The following DYSF variants were observed in gnomAD, a reference collection of about 807,000 sequenced individuals.
The protein encoded by DYSF is dystrophy-associated fer-1-like 1.
In DYSF, 212 loss-of-function variants were observed where a neutral mutation model predicts 274.9. The observed-to-expected ratio is 0.77, with a 90% CI of 0.69 to 0.86. The LOEUF (loss-of-function observed/expected upper bound fraction) is 0.86, where lower values mean the gene tolerates loss of function less well. Among genes scored for constraint, DYSF ranks in the 40% least tolerant of loss-of-function variants. The pLI, the probability that DYSF is intolerant of heterozygous loss-of-function variation, is 0.00. For missense variants in DYSF, 2,666 were observed against 2,783.2 expected (o/e 0.96, Z 0.95); for synonymous variants, 1,091 against 1,078.7 (o/e 1.01, Z -0.22).
intron 20 of DYSF, 25 bp from the exon 21 acceptor site, chr2:71,553,782 G>A (rs372466676): frequency 4.1e-5 from 36 of 871,052 alleles, no homozygotes; most frequent in African/African-American, 1.6e-4. Context: ...CTGGCACAGC[G>A]CTCAGGCCCG....
At chr2:71,559,635 T>C (rs561256076) in intron 22 of DYSF, among the ~76,000 whole-genome samples, 1 of 152,304 alleles carries the variant, frequency 6.6e-6, no homozygotes, top group South Asian at 2.1e-4. Context: ...TGCCTCTGTG[T>C]CTTTGCACTT....
intron 41 of DYSF, among the ~76,000 whole-genome samples, chr2:71,636,917 G>A (rs1468348374): frequency 6.6e-6 from 1 of 152,154 alleles, no homozygotes; most frequent in Non-Finnish European, 1.5e-5. Context: ...TGCAAGGCGA[G>A]GGGAGATGCT....
rs576149423 is a variant in DYSF at position 71,477,995 on chromosome 2, A to C, written c.92-2888A>C. On this transcript the variant is annotated intron_variant, in intron 1 of 55. Transcript: ENST00000410020. ...GAGAATCCAGCCAAGCATTAAAGAG[A>C]TTTGCAAAAATCTAAAAGTGTCACT... Among the ~76,000 whole-genome samples, 4 of 150,546 alleles carry C rather than the reference A, an allele frequency of 2.7e-5. No homozygotes were observed. The South Asian group carries it at 8.4e-4, about 31-fold the overall frequency.
At chr2:71,460,055 C>G (rs74877882) in intron 1 of DYSF, among the ~76,000 whole-genome samples, 4,349 of 152,232 alleles carry the variant, frequency 0.029, 114 homozygotes, top group African/African-American at 0.068. Context: ...GGATGCAGAT[C>G]TAGCTATTTG....
chr2:71,660,057 G>C (rs891102959), intron 44 of DYSF, among the ~76,000 whole-genome samples: 2 of 152,242 alleles, frequency 1.3e-5, no homozygotes, highest in African/African-American at 4.8e-5. Flanking sequence ...TATGCTTGAA[G>C]CCTTCCTGAT....
chr2:71,600,784 G>C lies in DYSF; in HGVS notation c.3839G>C (p.Arg1280Thr). The C allele has an allele frequency of 2.5e-6, 4 of 1,613,564 alleles. No homozygotes were observed. The highest frequency in any genetic ancestry group is 3.4e-6 in the Non-Finnish European group (4 of 1,180,006). The change falls in exon 34 of 56, where the codon AGG (arginine) becomes ACG (threonine). Residue 1280 changes from arginine (R) to threonine (T), a missense_variant. Physicochemically the swap from Arg to Thr is moderately conservative, Grantham distance 71 (BLOSUM62 -1). Around this residue, in one of 3 missense-constraint regions of DYSF, gnomAD observed 1,460 missense variants for 1,502.1 expected, o/e 0.97. Transcript: ENST00000410020. ...CGGCTGGCCTGGTTCCCACTGACGAGGGGCAGCCAGCCGTCGGGGGAGCTG... is the reference window on the plus strand; with the variant it reads ...CGGCTGGCCTGGTTCCCACTGACGACGGGCAGCCAGCCGTCGGGGGAGCTG... ...MPRLAWFPLTRGSQPSGELLA... is the reference protein window; with the variant it reads ...MPRLAWFPLTTGSQPSGELLA...
At chr2:71,617,922 GT>G (rs2093943638) in intron 40 of DYSF, among the ~76,000 whole-genome samples, 1 of 124,516 alleles carries the variant, frequency 8.0e-6, no homozygotes, top group Admixed American at 8.3e-5. Context: ...GTGTGTGTGT[GT>G]GGTAGAGGTG....
At chr2:71,575,607 A>G (rs12329095) in intron 30 of DYSF, among the ~76,000 whole-genome samples, 149,386 of 152,152 alleles carry the variant, frequency 0.98, 73,362 homozygotes, top group Middle Eastern at 1. Flanking sequence ...GCCTGGCCTG[A>G]GCACTGGGCA....
Position 71,629,065 on chromosome 2 carries a change from A to G in DYSF, c.4527+8456A>G, listed in dbSNP as rs2094265562. On this transcript the variant is annotated intron_variant, in intron 41 of 55. Transcript: ENST00000410020. Reference sequence around the variant, plus strand: ...TATCTCTTCAAATGTTACAGATTCCATTCTCTCATCATTTCTGGAACTCTG... The same window carrying G: ...TATCTCTTCAAATGTTACAGATTCCGTTCTCTCATCATTTCTGGAACTCTG... 2.6e-5 allele frequency among the ~76,000 whole-genome samples: 4 copies of G among 152,184 alleles called. No individual in the cohort carries two copies. The South Asian group carries it at 8.3e-4, about 32-fold the overall frequency.
chr2:71,584,473 C>T (rs764143052), intron 30 of DYSF, among the ~76,000 whole-genome samples: 18 of 152,154 alleles, frequency 1.2e-4, no homozygotes, highest in Admixed American at 7.9e-4. Context: ...TAAGTGAGTC[C>T]ACATTAATCC....
intron 41 of DYSF, among the ~76,000 whole-genome samples, chr2:71,638,564 TAA>T (rs1432337387): frequency 1.3e-5 from 2 of 152,236 alleles, no homozygotes; most frequent in African/African-American, 4.8e-5. Flanking sequence ...GAGCTTCATA[TAA>T]ATGAAATCCT....
At chr2:71,610,096 C>T (rs985626799) in intron 36 of DYSF, among the ~76,000 whole-genome samples, 1 of 152,130 alleles carries the variant, frequency 6.6e-6, no homozygotes, top group African/African-American at 2.4e-5. Flanking sequence ...GCACAGACAC[C>T]ATATACTTGT....
chr2:71,553,752 A>AC, intron 20 of DYSF, 55 bp from the exon 21 acceptor site: 116 of 267,694 alleles, frequency 4.3e-4, no homozygotes, highest in South Asian at 9.7e-4. Context: ...TTAGCACCCC[A>AC]TCCCACCCGC....
chr2:71,620,528 C>T lies in DYSF; in HGVS notation c.4465-19C>T. On this transcript the variant is annotated intron_variant, in intron 40 of 55. Coordinates refer to ENST00000410020, the MANE Select transcript of DYSF (RefSeq NM_001130987.2). ...TGGGTTCTCTAATCCTGTTGCTAAC[C>T]AGCATGTTTCATTTGTAGCTTGCAG... The T allele has an allele frequency of 6.4e-7, 1 of 1,551,732 alleles. No homozygotes were observed. Among genetic ancestry groups the T allele is most frequent in the South Asian group, 1.2e-5 (1 of 84,066 alleles).
chr2:71,664,810 A>G (rs1412092820), intron 46 of DYSF, among the ~76,000 whole-genome samples: 1 of 152,240 alleles, frequency 6.6e-6, no homozygotes, highest in Non-Finnish European at 1.5e-5. Context: ...GTGTGCTGCA[A>G]CTGGGCCCGA....
intron 40 of DYSF, among the ~76,000 whole-genome samples, chr2:71,618,239 TGTGGTAGAGGTGGC>T: frequency 7.8e-6 from 1 of 128,854 alleles, no homozygotes; most frequent in Admixed American, 8.0e-5. Context: ...GGGGTGTGTG[TGTGGTAGAGGTGGC>T]GTGTGTGGTA....
intron 42 of DYSF, among the ~76,000 whole-genome samples, chr2:71,650,118 G>C (rs2094630024): frequency 6.6e-6 from 1 of 152,158 alleles, no homozygotes. Context: ...AGAAGCAATG[G>C]AAACACACTG....
intron 14 of DYSF, among the ~76,000 whole-genome samples, chr2:71,529,974 T>C (rs997447034): frequency 6.8e-6 from 1 of 147,622 alleles, no homozygotes; most frequent in Admixed American, 6.7e-5. Context: ...AGGAGCCCCT[T>C]TGAGCTGGGC....
chr2:71,573,230 C>G (rs2092584533), intron 29 of DYSF, among the ~76,000 whole-genome samples: 1 of 152,242 alleles, frequency 6.6e-6, no homozygotes, highest in African/African-American at 2.4e-5. Context: ...GGACAACCAG[C>G]TGTTCCTGGT....
Sources: allele counts gnomAD v4.1 joint callset (sites outside exome capture counted in the v4.1 genomes callset), GRCh38; gene constraint gnomAD v4.1.1; regional missense constraint gnomAD v4.1.1; transcripts MANE v1.5; gene names NCBI Gene and HGNC (gene_info 2026-07-23, HGNC 2026-07-21).